The following CTF1 variants were observed in gnomAD, a reference collection of about 807,000 sequenced individuals.
CTF1 encodes the protein cardiotrophin-1.
A neutral mutation model predicts 10.9 loss-of-function variants in CTF1; 9 were observed. That is an observed-to-expected ratio of 0.83 (90% confidence interval 0.50 to 1.44). CTF1 has a LOEUF of 1.44. Ranked by LOEUF, CTF1 falls within the 40% of genes most tolerant of loss-of-function variation. CTF1 has a pLI of 0.00. For synonymous variants in CTF1, 133 were observed against 138.8 expected, an observed-to-expected ratio of 0.96 and a Z score of 0.29; for missense variants, 259 against 275.3, an observed-to-expected ratio of 0.94 and a Z score of 0.42.
chr16:30,898,324 A>G (rs535897854), intron 1 of CTF1, among the ~76,000 whole-genome samples: 5 of 151,934 alleles, frequency 3.3e-5, no homozygotes, highest in Non-Finnish European at 7.4e-5. Flanking sequence ...ATCATGCCTG[A>G]CTAATTTTTG....
Position 30,896,614 on chromosome 16 carries a change from G to A in CTF1, c.-30G>A. ...TTCTCCCCCCTCGAAAGGGGGGCGT[G>A]AAGGGAGCCGGGATCAGCCAGGGGC... On this transcript the variant is annotated 5_prime_UTR_variant, in exon 1 of 3. Transcript: ENST00000279804. 1 of 1,253,818 alleles carries A rather than the reference G, an allele frequency of 8.0e-7. No homozygotes were observed. The allele number at this position is 1,253,818 out of a possible 1,614,324, so 77.7% of individuals were successfully genotyped here.
chr16:30,896,499 A>C, upstream of CTF1: 1 of 727,078 alleles, frequency 1.4e-6, no homozygotes, highest in Non-Finnish European at 1.9e-6. Flanking sequence ...GGGCCAAGGA[A>C]TCCTGTCTCA....
At chr16:30,901,739 C>A (rs1308921425) in intron 2 of CTF1, among the ~76,000 whole-genome samples, 1 of 133,166 alleles carries the variant, frequency 7.5e-6, no homozygotes, top group Non-Finnish European at 1.6e-5. Context: ...CCACCACACT[C>A]GCTATTTTTT....
intron 1 of CTF1, 143 bp downstream of exon 1, chr16:30,896,811 G>A: frequency 1.5e-6 from 1 of 645,306 alleles, no homozygotes; most frequent in Non-Finnish European, 2.3e-6. Flanking sequence ...CCGGTGTCAG[G>A]TAACGAGTGA....
At chr16:30,896,912 C>T (rs1335499690) in intron 1 of CTF1, among the ~76,000 whole-genome samples, 1 of 151,828 alleles carries the variant, frequency 6.6e-6, no homozygotes, top group African/African-American at 2.4e-5. Flanking sequence ...CTTAGATCAC[C>T]GGTTCGAGTA....
chr16:30,899,546 G>T lies in CTF1; in HGVS notation c.144+13G>T. 1 of 1,390,350 alleles carries T rather than the reference G, an allele frequency of 7.2e-7. No individual in the cohort carries two copies. Among genetic ancestry groups the T allele is most frequent in the South Asian group, 1.2e-5 (1 of 85,168 alleles). 86.1% of individuals were successfully genotyped at this position (1,390,350 alleles called of 1,614,324 possible). A position where few individuals can be genotyped will look rare whatever the true frequency, so the allele number is the denominator to read the frequency against. ...GCTCCAGGAATATGTGAGTGGGAAT[G>T]GGGGTGGGGGTGCCGGGGGCCTGGG... On this transcript the variant is annotated intron_variant, in intron 2 of 2. Coordinates refer to ENST00000279804, the MANE Select transcript of CTF1 (RefSeq NM_001330.5).
chr16:30,901,997 G>C, intron 2 of CTF1, 81 bp from the exon 3 acceptor site: 1 of 1,235,852 alleles, frequency 8.1e-7, no homozygotes, highest in Non-Finnish European at 1.0e-6. Flanking sequence ...GACACCCCCA[G>C]AGAGCGGGTT....
At chr16:30,899,076 T>C (rs1365525387) in intron 1 of CTF1, among the ~76,000 whole-genome samples, 1 of 152,158 alleles carries the variant, frequency 6.6e-6, no homozygotes, top group East Asian at 1.9e-4. Context: ...CCTGGGCGTG[T>C]AGCAGGCTGT....
rs1160233339 is a variant in CTF1 at position 30,902,446 on chromosome 16, G to A, written c.513G>A (p.Lys171=). ...AASATGVFPA[K]VLGLRVCGLY... The stretch of plus-strand genomic sequence containing the variant: ...CCGCCACCGGGGTCTTCCCCGCCAA[G>A]GTGCTGGGGCTCCGCGTTTGCGGCC... The change falls in exon 3 of 3, where the codon AAG becomes AAA. Residue 171 remains lysine, a synonymous_variant. Transcript: ENST00000279804. The A allele has an allele frequency of 7.0e-7, 1 of 1,429,412 alleles. No homozygotes were observed. The highest frequency in any genetic ancestry group is 2.5e-5 in the Admixed American group (1 of 39,526). 88.5% of individuals were successfully genotyped at this position (1,429,412 alleles called of 1,614,324 possible).
intron 1 of CTF1, among the ~76,000 whole-genome samples, chr16:30,898,134 T>G (rs1271588744): frequency 6.6e-6 from 1 of 151,614 alleles, no homozygotes; most frequent in East Asian, 1.9e-4. Context: ...GTGCTAGGAT[T>G]ACAGGCGTGA....
chr16:30,900,002 T>C (rs1270243708), intron 2 of CTF1, among the ~76,000 whole-genome samples: 1 of 152,150 alleles, frequency 6.6e-6, no homozygotes, highest in African/African-American at 2.4e-5. Flanking sequence ...ACCTTGGTGC[T>C]TTAAGTCAGA....
chr16:30,896,686 C>T lies in CTF1; in HGVS notation c.25+18C>T. 3 of 1,251,964 alleles carry T rather than the reference C, an allele frequency of 2.4e-6. No individual in the cohort carries two copies. Among genetic ancestry groups the T allele is most frequent in the Non-Finnish European group, 1.0e-6 (1 of 989,730 alleles). The allele number at this position is 1,251,964 out of a possible 1,614,324, so 77.6% of individuals were successfully genotyped here. On this transcript the variant is annotated intron_variant, in intron 1 of 2. Transcript: ENST00000279804. ...AAGTCTGGGTAAGGGGCTGAGGGAC[C>T]GGACGCCGGGTCGCTGAGGGGCGCA...
chr16:30,899,455 C>G lies in CTF1; in HGVS notation c.66C>G (p.His22Gln). 6.2e-7 allele frequency: 1 copy of G among 1,611,942 alleles called. No homozygotes were observed. Among genetic ancestry groups the G allele is most frequent in the Non-Finnish European group, 8.5e-7 (1 of 1,178,824 alleles). ...ATTCCTCAGTCTCACTTCTTCCCCA[C>G]TTGGAGGCCAAGATCCGTCAGACAC... ...QTDSSVSLLPHLEAKIRQTHS... is the reference protein window; with the variant it reads ...QTDSSVSLLPQLEAKIRQTHS... Residue 22 changes from histidine (H) to glutamine (Q), a missense_variant, in exon 2 of 3, where the codon CAC (histidine) becomes CAG (glutamine). His to Gln is a conservative substitution (Grantham distance 24). Transcript: ENST00000279804.
rs1453522277 is a variant in CTF1, at chr16:30,902,996, C to G, written c.*457C>G. 1 of 154,388 alleles carries G rather than the reference C, an allele frequency of 6.5e-6. No individual in the cohort carries two copies. The highest frequency in any genetic ancestry group is 1.4e-5 in the Non-Finnish European group (1 of 69,136). 9.6% of individuals were successfully genotyped at this position (154,388 alleles called of 1,614,324 possible). A position where few individuals can be genotyped will look rare whatever the true frequency, so the allele number is the denominator to read the frequency against. ...CAGCCTCTCTTTGCTTTGCCTGCCCCGTTCTCTTAACTCTTGGACCCTCCT... is the reference window on the plus strand; with the variant it reads ...CAGCCTCTCTTTGCTTTGCCTGCCCGGTTCTCTTAACTCTTGGACCCTCCT... On this transcript the variant is annotated 3_prime_UTR_variant, in exon 3 of 3. Transcript: ENST00000279804.
rs775825155 is a variant in CTF1, at chr16:30,902,503, C to T, written c.570C>T (p.Gly190=). 8.7e-6 allele frequency: 13 copies of T among 1,489,530 alleles called. No individual in the cohort carries two copies. Among genetic ancestry groups the T allele is most frequent in the Non-Finnish European group, 1.1e-5 (12 of 1,123,908 alleles). The allele number at this position is 1,489,530 out of a possible 1,614,324, so 92.3% of individuals were successfully genotyped here. ...GCGAGTGGCTGAGCCGCACCGAGGG[C>T]GACCTGGGCCAGCTGCTGCCCGGGG... ...LYREWLSRTE[G]DLGQLLPGGS... Residue 190 remains glycine (G), a synonymous_variant, in exon 3 of 3, where the codon GGC becomes GGT. Coordinates refer to ENST00000279804, the MANE Select transcript of CTF1 (RefSeq NM_001330.5).
chr16:30,899,475 A>G lies in CTF1; in HGVS notation c.86A>G (p.Gln29Arg). ...CCCCACTTGGAGGCCAAGATCCGTC[A>G]GACACACAGCCTTGCGCACCTCCTC... ...LLPHLEAKIR[Q>R]THSLAHLLTK... is the part of the protein sequence containing the mutation. Residue 29 changes from glutamine to arginine, a missense_variant, in exon 2 of 3, where the codon CAG becomes CGG. Physicochemically the swap from Gln to Arg is conservative, Grantham distance 43. Coordinates refer to ENST00000279804, the MANE Select transcript of CTF1 (RefSeq NM_001330.5). 1 of 1,613,008 alleles carries G rather than the reference A, an allele frequency of 6.2e-7. No individual in the cohort carries two copies. The highest frequency in any genetic ancestry group is 1.1e-5 in the South Asian group (1 of 91,024).
chr16:30,896,816 G>A, intron 1 of CTF1, 148 bp downstream of exon 1: 2 of 617,060 alleles, frequency 3.2e-6, no homozygotes, highest in Non-Finnish European at 4.9e-6. Flanking sequence ...GTCAGGTAAC[G>A]AGTGAGCGGG....
At chr16:30,897,799 G>A (rs1596636508) in intron 1 of CTF1, among the ~76,000 whole-genome samples, 2 of 152,148 alleles carry the variant, frequency 1.3e-5, no homozygotes, top group East Asian at 3.9e-4. Flanking sequence ...AGGCTGCAGT[G>A]AGCCAAGATT....
chr16:30,902,902 C>G lies in CTF1; in HGVS notation c.*363C>G, dbSNP rs564197189. 119 of 166,878 alleles carry G rather than the reference C, an allele frequency of 7.1e-4. 1 individual carries two copies. Among genetic ancestry groups the G allele is most frequent in the African/African-American group, 2.8e-3 (117 of 41,974 alleles). The allele number at this position is 166,878 out of a possible 1,614,324, so 10.3% of individuals were successfully genotyped here. Reference sequence around the variant, plus strand: ...ATGTTGCCCAGGCTGGTCTTGAACTCCGGGGCTCAAGCGATCCTCCCGCTT... The same window carrying G: ...ATGTTGCCCAGGCTGGTCTTGAACTGCGGGGCTCAAGCGATCCTCCCGCTT... On this transcript the variant is annotated 3_prime_UTR_variant, in exon 3 of 3. Coordinates refer to ENST00000279804, the MANE Select transcript of CTF1 (RefSeq NM_001330.5).
Sources: gnomAD v4.1 joint callset for allele counts (sites outside exome capture counted in the v4.1 genomes callset) on GRCh38, gnomAD v4.1.1 for gene constraint, MANE v1.5 for transcripts, NCBI Gene and HGNC (gene_info 2026-07-23, HGNC 2026-07-21) for gene names.